Variants in EPS15L1 observed in about 807,000 individuals in gnomAD.
The protein encoded by EPS15L1 is epidermal growth factor receptor pathway substrate 15 like 1.
In EPS15L1, 43 loss-of-function variants were observed where a neutral mutation model predicts 117.1. That is an observed-to-expected ratio of 0.37 (90% CI 0.29 to 0.47). The LOEUF is 0.47. EPS15L1 is among the 20% of genes least tolerant of loss of function. The pLI, the probability that EPS15L1 is intolerant of heterozygous loss-of-function variation, is 0.99. For missense variants in EPS15L1, 981 were observed against 1,164.0 expected, an observed-to-expected ratio of 0.84 and a Z score of 2.29; for synonymous variants, 459 against 470.5, an observed-to-expected ratio of 0.98 and a Z score of 0.32.
chr19:16,407,384 C>T (rs979360818), intron 13 of EPS15L1, among the ~76,000 whole-genome samples: 4 of 152,206 alleles, frequency 2.6e-5, no homozygotes, highest in African/African-American at 9.7e-5. Context: ...CAGCTCACTG[C>T]AACCTCTGCC....
chr19:16,445,241 A>G (rs1180768855), intron 1 of EPS15L1, among the ~76,000 whole-genome samples: 1 of 152,156 alleles, frequency 6.6e-6, no homozygotes, highest in African/African-American at 2.4e-5. Flanking sequence ...CAGAGCTCCA[A>G]CCTCTGCCCA....
chr19:16,419,729 C>G (rs1599618077), intron 10 of EPS15L1, among the ~76,000 whole-genome samples: 1 of 152,246 alleles, frequency 6.6e-6, no homozygotes, highest in African/African-American at 2.4e-5. Context: ...ATGAGCAGAT[C>G]TCAAAGAACA....
chr19:16,431,116 G>A (rs553241555), intron 7 of EPS15L1, among the ~76,000 whole-genome samples: 61 of 151,808 alleles, frequency 4.0e-4, no homozygotes, highest in Middle Eastern at 3.4e-3. Context: ...GGGTGCACCC[G>A]TGTTCCCAGC....
intron 22 of EPS15L1, among the ~76,000 whole-genome samples, chr19:16,369,152 A>G (rs1427568265): frequency 1.3e-5 from 2 of 152,142 alleles, no homozygotes; most frequent in Non-Finnish European, 1.5e-5. Context: ...TGTTTTTTAC[A>G]ATGTGACACA....
intron 22 of EPS15L1, among the ~76,000 whole-genome samples, chr19:16,366,488 G>T (rs907227187): frequency 7.2e-5 from 11 of 152,152 alleles, no homozygotes; most frequent in Non-Finnish European, 1.3e-4. Flanking sequence ...GCAAAGAGAT[G>T]TTCAGAGAGA....
At chr19:16,372,948 CACA>C (rs1185915617) in intron 22 of EPS15L1, among the ~76,000 whole-genome samples, 1 of 152,262 alleles carries the variant, frequency 6.6e-6, no homozygotes, top group East Asian at 1.9e-4. Flanking sequence ...GTCCTGGCCT[CACA>C]CATCAGCCAT....
chr19:16,434,524 G>A, intron 6 of EPS15L1, 34 bp from the exon 7 acceptor site: 1 of 1,602,354 alleles, frequency 6.2e-7, no homozygotes, highest in Non-Finnish European at 8.5e-7. Context: ...GTAAGTAGGA[G>A]AGCACACCTG....
chr19:16,373,247 A>G (rs1412034759), intron 22 of EPS15L1, among the ~76,000 whole-genome samples: 1 of 151,756 alleles, frequency 6.6e-6, no homozygotes, highest in Non-Finnish European at 1.5e-5. Flanking sequence ...GTCGCATTTC[A>G]CCTTCCTCCT....
At chr19:16,367,517 A>AC (rs2092151746) in intron 22 of EPS15L1, among the ~76,000 whole-genome samples, 2 of 149,396 alleles carry the variant, frequency 1.3e-5, no homozygotes, top group Admixed American at 6.6e-5. Flanking sequence ...AAAAAAAAAA[A>AC]AAAAAAAAAC....
chr19:16,373,623 G>A (rs1460755547), intron 22 of EPS15L1, among the ~76,000 whole-genome samples: 5 of 152,136 alleles, frequency 3.3e-5, no homozygotes, highest in African/African-American at 1.2e-4. Flanking sequence ...GACCGCTCTT[G>A]CCCATAACCA....
intron 22 of EPS15L1, among the ~76,000 whole-genome samples, chr19:16,373,085 G>T (rs891730262): frequency 6.6e-6 from 1 of 152,236 alleles, no homozygotes; most frequent in South Asian, 2.1e-4. Context: ...TGACAGAAAA[G>T]CTTGTTCCTT....
rs12980044 is a variant in EPS15L1 at position 16,405,993 on chromosome 19, A to T, written c.1267-1244T>A. Among the ~76,000 whole-genome samples the T allele has an allele frequency of 6.6e-6, 1 of 151,630 alleles. No homozygotes were observed. Among genetic ancestry groups the T allele is most frequent in the African/African-American group, 2.4e-5 (1 of 41,228 alleles). Reference sequence around the variant, plus strand: ...GGGGCCTCGGGTGGGGTCCAGGGAGAGGCAGCAGCAGCTGGGGCCTGAGTG... The same window carrying T: ...GGGGCCTCGGGTGGGGTCCAGGGAGTGGCAGCAGCAGCTGGGGCCTGAGTG... On this transcript the variant is annotated intron_variant, in intron 13 of 23. Coordinates refer to ENST00000455140, the MANE Select transcript of EPS15L1 (RefSeq NM_001258374.3). The surrounding 1 kb of genome is among the most constrained non-coding windows in gnomAD (Gnocchi z 4.0).
intron 1 of EPS15L1, among the ~76,000 whole-genome samples, chr19:16,466,302 G>A (rs928784839): frequency 2.6e-5 from 4 of 152,046 alleles, no homozygotes; most frequent in Non-Finnish European, 5.9e-5. Context: ...CAGAGTGACC[G>A]GGAGGATGAA....
intron 21 of EPS15L1, among the ~76,000 whole-genome samples, chr19:16,378,860 A>G (rs966503311): frequency 6.6e-6 from 1 of 152,260 alleles, no homozygotes; most frequent in African/African-American, 2.4e-5. Flanking sequence ...AAAATAATTA[A>G]GTCTGTAATA....
rs775437939 is a variant in EPS15L1, at chr19:16,404,673, C to A, written c.1343G>T (p.Arg448Leu). 1 of 1,614,182 alleles carries A rather than the reference C, an allele frequency of 6.2e-7. No individual in the cohort carries two copies. Among genetic ancestry groups the A allele is most frequent in the Non-Finnish European group, 8.5e-7 (1 of 1,180,036 alleles). ...CTTCTGCTGGTCCATCTCGTCCAGG[C>A]GGTCTTGAGCATCCTGTTTCTGAGC... ...LEAQKQDAQDRLDEMDQQKAK... is the reference protein window; with the variant it reads ...LEAQKQDAQDLLDEMDQQKAK... Residue 448 changes from arginine (R) to leucine (L), a missense_variant, in exon 14 of 24, where the codon CGC (arginine) becomes CTC (leucine). Coordinates refer to ENST00000455140, the MANE Select transcript of EPS15L1 (RefSeq NM_001258374.3). The surrounding 1 kb of genome is among the most constrained non-coding windows in gnomAD (Gnocchi z 4.2).
rs60689307 is a variant in EPS15L1 at position 16,367,753 on chromosome 19, CA to C, written c.2381-5770del. ...GCATCCTCAAGAGCTGGGTGCAAAG[CA>C]AAAAAAAAAAAAAAAAAACCCAAAA... On this transcript the variant is annotated intron_variant, in intron 22 of 23. Coordinates refer to ENST00000455140, the MANE Select transcript of EPS15L1 (RefSeq NM_001258374.3). Among the ~76,000 whole-genome samples the C allele has an allele frequency of 7.0e-3, 357 of 50,708 alleles. 1 individual carries two copies. Among genetic ancestry groups the C allele is most frequent in the Middle Eastern group, 0.045 (3 of 66 alleles). 33.3% of individuals were successfully genotyped at this position (50,708 alleles called of 152,430 possible).
At position 16,419,840 on chromosome 19, in the gene EPS15L1, G is replaced by A. The variant is rs778693052; in HGVS notation, c.950+1479C>T. ...TGCCCCTGCGGGCCCCAGCCTGCTCGTGGGCTGCAGCTGCCTCTCCACTCC... is the reference window on the plus strand; with the variant it reads ...TGCCCCTGCGGGCCCCAGCCTGCTCATGGGCTGCAGCTGCCTCTCCACTCC... On this transcript the variant is annotated intron_variant, in intron 10 of 23. Transcript: ENST00000455140. Among the ~76,000 whole-genome samples, 9 of 152,268 alleles carry A rather than the reference G, an allele frequency of 5.9e-5. No individual in the cohort carries two copies. In the East Asian group the frequency reaches 7.7e-4, roughly 13 times the overall value.
chr19:16,397,782 A>T (rs2092555586), intron 16 of EPS15L1, among the ~76,000 whole-genome samples: 1 of 152,130 alleles, frequency 6.6e-6, no homozygotes, highest in Admixed American at 6.5e-5. Context: ...TTGTAATGGG[A>T]AGTAGTCTGA....
chr19:16,436,593 T>G (rs2092980743), intron 6 of EPS15L1: 1 of 219,182 alleles, frequency 4.6e-6, no homozygotes, highest in Admixed American at 5.3e-5. Flanking sequence ...CCTCTTCTAT[T>G]CTGAATAACC....
Sources: allele counts gnomAD v4.1 joint callset (sites outside exome capture counted in the v4.1 genomes callset), GRCh38; gene constraint gnomAD v4.1.1; non-coding constraint Gnocchi (gnomAD v3.1); transcripts MANE v1.5; gene names NCBI Gene and HGNC (gene_info 2026-07-23, HGNC 2026-07-21).